Variants in TTLL5 observed in about 807,000 individuals in gnomAD.
TTLL5 encodes tubulin polyglutamylase TTLL5.
A neutral mutation model predicts 168.4 loss-of-function variants in TTLL5; 132 were observed. The observed-to-expected ratio is 0.78, with a 90% CI of 0.68 to 0.91. TTLL5 has a LOEUF of 0.91. Ranked by LOEUF, TTLL5 falls within the 40% of genes least tolerant of loss-of-function variation. The probability of loss-of-function intolerance (pLI) is 0.00; values close to 1 mark genes in which losing one functional copy is unlikely to be tolerated. For missense variants in TTLL5, 1,545 were observed against 1,581.5 expected (o/e 0.98, Z 0.39); for synonymous variants, 546 against 558.6 (o/e 0.98, Z 0.32).
At chr14:75,938,293 T>C (rs1402789201) in intron 31 of TTLL5, among the ~76,000 whole-genome samples, 1 of 152,206 alleles carries the variant, frequency 6.6e-6, no homozygotes, top group Non-Finnish European at 1.5e-5. Context: ...GAGATACTTG[T>C]TAAAACTGTG....
chr14:75,930,725 C>T, intron 31 of TTLL5: 1 of 766,764 alleles, frequency 1.3e-6, no homozygotes, highest in Non-Finnish European at 1.6e-6. Flanking sequence ...GAAGCGATTT[C>T]ACCTGGTATA....
chr14:75,783,678 CT>C lies in TTLL5; in HGVS notation c.2986+152del, dbSNP rs1385961814. The C allele has an allele frequency of 2.7e-6, 3 of 1,126,290 alleles. No homozygotes were observed. The African/African-American group carries it at 4.7e-5, about 18-fold the overall frequency. 69.8% of individuals were successfully genotyped at this position (1,126,290 alleles called of 1,614,324 possible). On this transcript the variant is annotated intron_variant, in intron 26 of 31. Coordinates refer to ENST00000298832, the MANE Select transcript of TTLL5 (RefSeq NM_015072.5). ...ATTGTTCTGACGTGACTAAAGAAGACTTTTGCATTGCATCCAGTAGCATGCC... is the reference window on the plus strand; with the variant it reads ...ATTGTTCTGACGTGACTAAAGAAGACTTTGCATTGCATCCAGTAGCATGCC...
rs1188048746 is a variant in TTLL5 at position 75,769,590 on chromosome 14, TCTCAAC to T, written c.2016-2143_2016-2138del. ...ATTCACAACAAAACAATGATTGAAG[TCTCAAC>T]TTATGAGCAATAATCCCCTTATTTA... On this transcript the variant is annotated intron_variant, in intron 20 of 31. Transcript: ENST00000298832. Among the ~76,000 whole-genome samples the T allele has an allele frequency of 2.2e-3, 331 of 152,360 alleles. 2 individuals carry two copies. The highest frequency in any genetic ancestry group is 7.4e-3 in the African/African-American group (307 of 41,586).
intron 3 of TTLL5, 51 bp from the exon 4 acceptor site, chr14:75,681,494 G>A (rs780987658): frequency 4.8e-6 from 7 of 1,470,210 alleles, no homozygotes; most frequent in Non-Finnish European, 6.6e-6. Flanking sequence ...GTTTATTTTT[G>A]TTTTTACAGT....
At chr14:75,715,012 G>T (rs557696845) in intron 9 of TTLL5, among the ~76,000 whole-genome samples, 8 of 152,260 alleles carry the variant, frequency 5.3e-5, no homozygotes, top group African/African-American at 1.9e-4. Flanking sequence ...AAACTACAGA[G>T]TTCCTTCTTG....
At chr14:75,803,730 T>C (rs749329222) in intron 27 of TTLL5, among the ~76,000 whole-genome samples, 3 of 152,176 alleles carry the variant, frequency 2.0e-5, no homozygotes, top group African/African-American at 4.8e-5. Context: ...TGGTGGCCAA[T>C]AGGGTACTGA....
At chr14:75,859,192 C>T (rs1293801438) in intron 28 of TTLL5, among the ~76,000 whole-genome samples, 1 of 152,098 alleles carries the variant, frequency 6.6e-6, no homozygotes. Flanking sequence ...TTTCAGATTC[C>T]CTCCAAGTTC....
At chr14:75,774,454 G>A (rs951703119) in intron 21 of TTLL5, among the ~76,000 whole-genome samples, 2 of 152,132 alleles carry the variant, frequency 1.3e-5, no homozygotes, top group East Asian at 1.9e-4. Context: ...CCTTAATCAC[G>A]ACACTTTTAA....
intron 29 of TTLL5, among the ~76,000 whole-genome samples, chr14:75,881,035 T>C (rs1274560112): frequency 1.3e-5 from 2 of 152,148 alleles, no homozygotes; most frequent in African/African-American, 2.4e-5. Flanking sequence ...CACCTCAGCC[T>C]CTTGGGTCGC....
chr14:75,766,485 A>C, intron 20 of TTLL5, 117 bp downstream of exon 20: 6 of 997,092 alleles, frequency 6.0e-6, no homozygotes, highest in Non-Finnish European at 8.6e-6. Flanking sequence ...CAGAAGTCCT[A>C]TGAAATAATG....
intron 26 of TTLL5, among the ~76,000 whole-genome samples, chr14:75,786,048 A>G (rs890211675): frequency 6.6e-6 from 1 of 152,214 alleles, no homozygotes; most frequent in Non-Finnish European, 1.5e-5. Context: ...GCCAGTCTAT[A>G]TTTCTTAATA....
At chr14:75,794,340 C>G (rs1334727429) in intron 27 of TTLL5, among the ~76,000 whole-genome samples, 1 of 151,782 alleles carries the variant, frequency 6.6e-6, no homozygotes, top group Non-Finnish European at 1.5e-5. Flanking sequence ...ACGGGAAAGG[C>G]CAGTGCTCTG....
At chr14:75,714,112 G>T (rs1887274012) in intron 9 of TTLL5, among the ~76,000 whole-genome samples, 1 of 152,072 alleles carries the variant, frequency 6.6e-6, no homozygotes. Context: ...CAGTCATTTT[G>T]TGGATTGTCC....
intron 26 of TTLL5, 141 bp downstream of exon 26, chr14:75,783,671 A>G (rs1892190803): frequency 8.2e-7 from 1 of 1,223,912 alleles, no homozygotes; most frequent in African/African-American, 1.5e-5. Flanking sequence ...GACGTGACTA[A>G]AGAAGACTTT....
intron 28 of TTLL5, among the ~76,000 whole-genome samples, chr14:75,827,350 GAAGT>G (rs1351264612): frequency 2.2e-4 from 34 of 152,120 alleles, no homozygotes; most frequent in African/African-American, 8.2e-4. Flanking sequence ...TTTATATTGT[GAAGT>G]AAGTACCCAC....
At chr14:75,841,456 G>A (rs1896238820) in intron 28 of TTLL5, among the ~76,000 whole-genome samples, 1 of 152,120 alleles carries the variant, frequency 6.6e-6, no homozygotes. Flanking sequence ...GACTGTGACT[G>A]GGAACTTTTG....
intron 29 of TTLL5, among the ~76,000 whole-genome samples, chr14:75,873,284 C>T (rs952188297): frequency 2.6e-4 from 40 of 151,982 alleles, no homozygotes; most frequent in Non-Finnish European, 4.3e-4. Flanking sequence ...CCGTGTTAGC[C>T]AGGATGGTCT....
At chr14:75,872,577 A>G (rs1370533402) in intron 29 of TTLL5, among the ~76,000 whole-genome samples, 1 of 152,160 alleles carries the variant, frequency 6.6e-6, no homozygotes, top group Admixed American at 6.5e-5. Flanking sequence ...TAAATGAGAT[A>G]ACATAAAGCA....
Position 75,898,732 on chromosome 14 carries a change from C to T in TTLL5, c.3741-3410C>T, listed in dbSNP as rs539362595. Among the ~76,000 whole-genome samples the T allele has an allele frequency of 8.5e-5, 13 of 152,330 alleles. No homozygotes were observed. In the South Asian group the frequency reaches 2.7e-3, roughly 32 times the overall value. ...AAATACAAACCTACTTCATTTGGTG[C>T]ACAGTTGAATAAATCATTCTGACAC... On this transcript the variant is annotated intron_variant, in intron 30 of 31. Transcript: ENST00000298832.
Sources: allele counts gnomAD v4.1 joint callset (sites outside exome capture counted in the v4.1 genomes callset), GRCh38; gene constraint gnomAD v4.1.1; transcripts MANE v1.5; gene names NCBI Gene and HGNC (gene_info 2026-07-23, HGNC 2026-07-21).